PTPRM: variants seen among roughly 807,000 people sequenced by gnomAD.
PTPRM encodes the protein protein tyrosine phosphatase receptor type M, also known as receptor-type tyrosine-protein phosphatase mu.
A neutral mutation model predicts 186.7 loss-of-function variants in PTPRM; 47 were observed. That is an observed-to-expected ratio of 0.25 (90% confidence interval 0.20 to 0.32). The LOEUF (loss-of-function observed/expected upper bound fraction) is 0.32. Among genes scored for constraint, PTPRM ranks in the 10% least tolerant of loss-of-function variants. The pLI is 1.00. For missense variants in PTPRM, 1,494 were observed against 1,865.0 expected (o/e 0.80, Z 3.66); for synonymous variants, 668 against 674.9 (o/e 0.99, Z 0.16).
chr18:7,765,717 T>TG (rs1319712713), intron 1 of PTPRM, among the ~76,000 whole-genome samples: 1 of 152,180 alleles, frequency 6.6e-6, no homozygotes, highest in African/African-American at 2.4e-5. Flanking sequence ...TTAATTCTTT[T>TG]GGGGGGTACT....
At chr18:8,363,770 CAAG>C (rs2095611263) in intron 23 of PTPRM, among the ~76,000 whole-genome samples, 1 of 151,970 alleles carries the variant, frequency 6.6e-6, no homozygotes, top group Non-Finnish European at 1.5e-5. Flanking sequence ...AAGTTTTCAT[CAAG>C]ATGAGGTAAG....
chr18:8,279,469 GA>G (rs1422105342), intron 19 of PTPRM, among the ~76,000 whole-genome samples: 2 of 152,302 alleles, frequency 1.3e-5, no homozygotes, highest in East Asian at 3.9e-4. Context: ...CCCTACTGAA[GA>G]GTGGGTTAAC....
intron 13 of PTPRM, among the ~76,000 whole-genome samples, chr18:8,140,703 C>T (rs1425297490): frequency 6.6e-6 from 1 of 151,990 alleles, no homozygotes; most frequent in African/African-American, 2.4e-5. Flanking sequence ...AGATAATATC[C>T]ACTGATAAAT....
chr18:8,094,573 A>G (rs1287584258), intron 11 of PTPRM, among the ~76,000 whole-genome samples: 1 of 152,096 alleles, frequency 6.6e-6, no homozygotes, highest in Non-Finnish European at 1.5e-5. Context: ...TCTCAATTAT[A>G]ATTAAATTTT....
At chr18:7,744,181 C>T (rs1040603415) in intron 1 of PTPRM, among the ~76,000 whole-genome samples, 23 of 152,206 alleles carry the variant, frequency 1.5e-4, no homozygotes, top group African/African-American at 3.9e-4. Context: ...AAAAAGGCCA[C>T]GGTGTGAAGA....
At chr18:7,997,389 T>G (rs1402026359) in intron 7 of PTPRM, among the ~76,000 whole-genome samples, 1 of 152,086 alleles carries the variant, frequency 6.6e-6, no homozygotes, top group Non-Finnish European at 1.5e-5. Flanking sequence ...CAAATAAAAA[T>G]GATGTAGACT....
intron 2 of PTPRM, among the ~76,000 whole-genome samples, chr18:7,880,396 A>G (rs1248060554): frequency 3.3e-5 from 5 of 152,242 alleles, no homozygotes; most frequent in Admixed American, 2.0e-4. Context: ...CAAGGAAGGC[A>G]AGAAGAGACA....
chr18:7,813,950 C>A (rs59893315), intron 2 of PTPRM, among the ~76,000 whole-genome samples: 2,231 of 152,272 alleles, frequency 0.015, 56 homozygotes, highest in African/African-American at 0.05. Context: ...GGTAGTCTAT[C>A]TATTTTCAGA....
At chr18:8,164,654 A>G (rs987509578) in intron 14 of PTPRM, among the ~76,000 whole-genome samples, 2 of 152,180 alleles carry the variant, frequency 1.3e-5, no homozygotes, top group African/African-American at 4.8e-5. Context: ...AGTCAAATTC[A>G]TAGAGACAGA....
intron 1 of PTPRM, among the ~76,000 whole-genome samples, chr18:7,639,330 A>G: frequency 6.6e-6 from 1 of 151,392 alleles, no homozygotes; most frequent in African/African-American, 2.4e-5. Flanking sequence ...TTGGCCTCCC[A>G]AAGTGCTGGG....
intron 1 of PTPRM, among the ~76,000 whole-genome samples, chr18:7,617,276 A>G (rs935389672): frequency 6.6e-6 from 1 of 152,164 alleles, no homozygotes; most frequent in Non-Finnish European, 1.5e-5. Context: ...GCTTGAAGTG[A>G]TGGGACAGAA....
At chr18:8,276,431 A>G (rs1387656087) in intron 19 of PTPRM, among the ~76,000 whole-genome samples, 2 of 152,162 alleles carry the variant, frequency 1.3e-5, no homozygotes, top group African/African-American at 2.4e-5. Flanking sequence ...ACAACTGATC[A>G]TAATTTCTTG....
chr18:7,567,743 C>G lies in PTPRM; in HGVS notation c.-76C>G. On this transcript the variant is annotated 5_prime_UTR_variant, in exon 1 of 33. Coordinates refer to ENST00000580170, the MANE Select transcript of PTPRM (RefSeq NM_001105244.2). The surrounding 1 kb of genome is among the most constrained non-coding windows in gnomAD (Gnocchi z 4.3). ...CCGTCTCTCCTCGCTGCCTCGGAACCAAAGCTCCCGGCCCCCTCCGCCCTC... is the reference window on the plus strand; with the variant it reads ...CCGTCTCTCCTCGCTGCCTCGGAACGAAAGCTCCCGGCCCCCTCCGCCCTC... The G allele has an allele frequency of 7.4e-7, 1 of 1,355,412 alleles. No individual in the cohort carries two copies. Among genetic ancestry groups the G allele is most frequent in the South Asian group, 1.5e-5 (1 of 68,402 alleles). 84.0% of individuals were successfully genotyped at this position (1,355,412 alleles called of 1,614,324 possible). A position where few individuals can be genotyped will look rare whatever the true frequency, so the allele number is the denominator to read the frequency against.
At chr18:8,281,075 A>G (rs541254962) in intron 19 of PTPRM, among the ~76,000 whole-genome samples, 3 of 152,354 alleles carry the variant, frequency 2.0e-5, no homozygotes, top group African/African-American at 4.8e-5. Flanking sequence ...TGGTTACACC[A>G]GCTTTGCAAA....
At chr18:8,126,634 C>T (rs915974698) in intron 13 of PTPRM, among the ~76,000 whole-genome samples, 1 of 152,148 alleles carries the variant, frequency 6.6e-6, no homozygotes, top group East Asian at 1.9e-4. Flanking sequence ...CTTCAGTAAA[C>T]CGTGGCAGAG....
intron 2 of PTPRM, among the ~76,000 whole-genome samples, chr18:7,825,173 A>G (rs1320280269): frequency 2.0e-5 from 3 of 152,182 alleles, no homozygotes; most frequent in Non-Finnish European, 4.4e-5. Context: ...AGCATTCCAA[A>G]TTAGTTGCAA....
chr18:8,065,527 G>C (rs557756032), intron 7 of PTPRM, among the ~76,000 whole-genome samples: 1 of 152,144 alleles, frequency 6.6e-6, no homozygotes, highest in African/African-American at 2.4e-5. Flanking sequence ...TCATGAGTCA[G>C]TGGGCCCACA....
intron 7 of PTPRM, among the ~76,000 whole-genome samples, chr18:7,999,548 C>T (rs2083745894): frequency 6.6e-6 from 1 of 151,884 alleles, no homozygotes; most frequent in African/African-American, 2.4e-5. Flanking sequence ...ATGCTAGGCA[C>T]AGAAGACAGT....
intron 7 of PTPRM, among the ~76,000 whole-genome samples, chr18:8,050,498 A>AG (rs1321018353): frequency 6.6e-6 from 1 of 152,074 alleles, no homozygotes; most frequent in Non-Finnish European, 1.5e-5. Flanking sequence ...CCTGAAAAAA[A>AG]AAAACCCTCC....
Sources: allele counts gnomAD v4.1 joint callset (sites outside exome capture counted in the v4.1 genomes callset), GRCh38; gene constraint gnomAD v4.1.1; non-coding constraint Gnocchi (gnomAD v3.1); transcripts MANE v1.5; gene names NCBI Gene and HGNC (gene_info 2026-07-23, HGNC 2026-07-21).